PLAC1: variants seen among roughly 807,000 people sequenced by gnomAD.
PLAC1 encodes the protein placenta-specific protein 1.
For synonymous variants in PLAC1, 68 were observed against 62.1 expected, an observed-to-expected ratio of 1.09 and a Z score of -0.44; for missense variants, 136 against 163.2, an observed-to-expected ratio of 0.83 and a Z score of 0.91.
chrX:134,649,128 C>T (rs756526423), intron 1 of PLAC1, among the ~76,000 whole-genome samples: 11 of 108,980 alleles, frequency 1.0e-4, no homozygotes, highest in Non-Finnish European at 1.5e-4. Context: ...ATTAGCAGGG[C>T]GTGGTGGCGG....
intron 1 of PLAC1, among the ~76,000 whole-genome samples, chrX:134,736,753 G>C (rs922837050): frequency 8.9e-6 from 1 of 112,117 alleles, no homozygotes; most frequent in Non-Finnish European, 1.9e-5. Context: ...TTGTCTGGCC[G>C]GCACAGCTGC....
intron 2 of PLAC1, among the ~76,000 whole-genome samples, chrX:134,727,022 T>A (rs1469859045): frequency 1.8e-5 from 2 of 109,901 alleles, no homozygotes; most frequent in African/African-American, 3.3e-5. Context: ...CTCCTCAGGC[T>A]ACCTTACCAG....
intron 2 of PLAC1, among the ~76,000 whole-genome samples, chrX:134,574,862 G>A (rs2077929085): frequency 9.0e-6 from 1 of 111,551 alleles, no homozygotes; most frequent in Non-Finnish European, 1.9e-5. Context: ...GGGCTTGCTA[G>A]AGTCCCCAAG....
chrX:134,668,258 A>G (rs1306276722), intron 2 of PLAC1, among the ~76,000 whole-genome samples: 1 of 112,804 alleles, frequency 8.9e-6, no homozygotes, highest in African/African-American at 3.2e-5. Context: ...TTCCATTTAT[A>G]TGAGATATCC....
intron 2 of PLAC1, among the ~76,000 whole-genome samples, chrX:134,578,050 CA>C (rs1242739204): frequency 9.1e-6 from 1 of 109,739 alleles, no homozygotes; most frequent in Non-Finnish European, 1.9e-5. Flanking sequence ...GGGAAGGTGG[CA>C]GGGGAGAAGG....
intron 2 of PLAC1, among the ~76,000 whole-genome samples, chrX:134,587,396 AAAATAAAT>A (rs376170313): frequency 2.1e-4 from 22 of 105,118 alleles, no homozygotes; most frequent in African/African-American, 7.4e-4. Flanking sequence ...TGTCTTTACA[AAAATAAAT>A]AAATAAATAA....
chrX:134,725,017 T>A (rs902594497), intron 2 of PLAC1, among the ~76,000 whole-genome samples: 4 of 107,491 alleles, frequency 3.7e-5, no homozygotes, highest in East Asian at 2.9e-4. Flanking sequence ...AAAAAAAAAA[T>A]TCCCACTTTA....
chrX:134,622,429 A>C (rs1297005628), intron 1 of PLAC1, among the ~76,000 whole-genome samples: 4 of 111,069 alleles, frequency 3.6e-5, no homozygotes, highest in Admixed American at 2.9e-4. Flanking sequence ...TGCTTTAACC[A>C]CAGCTGCTTT....
chrX:134,736,083 C>G (rs1277797385), intron 1 of PLAC1, among the ~76,000 whole-genome samples: 1 of 110,439 alleles, frequency 9.1e-6, no homozygotes, highest in Non-Finnish European at 1.9e-5. Context: ...CGAGACCATC[C>G]TGGCCAACAT....
chrX:134,594,863 A>G (rs1283524639), intron 2 of PLAC1, among the ~76,000 whole-genome samples: 1 of 105,708 alleles, frequency 9.5e-6, no homozygotes, highest in Non-Finnish European at 1.9e-5. Context: ...CTTTTTTTCA[A>G]TTTCAACTCT....
chrX:134,615,674 G>A (rs896860816), intron 1 of PLAC1, among the ~76,000 whole-genome samples: 9 of 111,697 alleles, frequency 8.1e-5, no homozygotes, highest in South Asian at 3.7e-4. Context: ...ATGTCAAGGC[G>A]CTTTTCTGCT....
chrX:134,702,320 C>A (rs968215313), intron 2 of PLAC1, among the ~76,000 whole-genome samples: 11 of 112,280 alleles, frequency 9.8e-5, no homozygotes, highest in Admixed American at 9.4e-4. Flanking sequence ...GCACTATTCA[C>A]AATAGCAAAT....
intron 2 of PLAC1, among the ~76,000 whole-genome samples, chrX:134,696,156 C>T (rs1229044574): frequency 8.9e-6 from 1 of 111,917 alleles, no homozygotes; most frequent in Non-Finnish European, 1.9e-5. Context: ...TATCTACCAC[C>T]ACCCTTTTCC....
At position 134,637,272 on chromosome X, in the gene PLAC1, G is replaced by C. The variant is rs150088287; in HGVS notation, c.-131+21056C>G. ...ATACTGCTTTAATCCATAGTTTCCA[G>C]GTGGTCCAGGCATGGGGAAGGGGAC... On this transcript the variant is annotated intron_variant, in intron 1 of 2. Transcript: ENST00000359237. Among the ~76,000 whole-genome samples the C allele has an allele frequency of 5.6e-3, 623 of 111,528 alleles. 9 individuals are homozygous for C. The highest frequency in any genetic ancestry group is 0.018 in the African/African-American group (548 of 30,670).
At chrX:134,636,542 G>A (rs1008396463) in intron 1 of PLAC1, among the ~76,000 whole-genome samples, 5 of 112,367 alleles carry the variant, frequency 4.4e-5, no homozygotes, top group Admixed American at 3.8e-4. Context: ...AAATGCTGAT[G>A]AGATTCAAAG....
intron 2 of PLAC1, among the ~76,000 whole-genome samples, chrX:134,593,762 C>T (rs1048811970): frequency 2.7e-5 from 3 of 111,700 alleles, no homozygotes; most frequent in African/African-American, 9.7e-5. Flanking sequence ...TATCTCCTGA[C>T]CTTGCTGAAC....
At chrX:134,721,011 A>G (rs899976150) in intron 2 of PLAC1, among the ~76,000 whole-genome samples, 1 of 112,936 alleles carries the variant, frequency 8.9e-6, no homozygotes, top group African/African-American at 3.2e-5. Context: ...TGAAAAGGCA[A>G]CATGCAGAAT....
chrX:134,649,946 G>T (rs188627912), intron 1 of PLAC1, among the ~76,000 whole-genome samples: 22 of 111,435 alleles, frequency 2.0e-4, no homozygotes, highest in African/African-American at 6.5e-4. Context: ...CTCCCCCAAG[G>T]CAACCCATAC....
chrX:134,743,165 G>C (rs1177047159), intron 1 of PLAC1, among the ~76,000 whole-genome samples: 1 of 111,946 alleles, frequency 8.9e-6, no homozygotes, highest in African/African-American at 3.2e-5. Flanking sequence ...GGCAATGTTT[G>C]TGAGGCCAGA....
Sources: gnomAD v4.1 joint callset for allele counts (sites outside exome capture counted in the v4.1 genomes callset) on GRCh38, gnomAD v4.1.1 for gene constraint, MANE v1.5 for transcripts, NCBI Gene and HGNC (gene_info 2026-07-23, HGNC 2026-07-21) for gene names.